The following ARHGAP10 variants were observed in gnomAD, a reference collection of about 807,000 sequenced individuals.
ARHGAP10 encodes the protein rho GTPase-activating protein 10.
In ARHGAP10, 87 loss-of-function variants were observed where a neutral mutation model predicts 108.6. The observed-to-expected ratio is 0.80, with a 90% confidence interval of 0.67 to 0.96. The LOEUF (loss-of-function observed/expected upper bound fraction) is 0.96, where lower values mean the gene tolerates loss of function less well. Among genes scored for constraint, ARHGAP10 ranks in the 40% least tolerant of loss-of-function variants. The probability of loss-of-function intolerance (pLI) is 0.00; values close to 1 mark genes in which losing one functional copy is unlikely to be tolerated. For synonymous variants in ARHGAP10, 347 were observed against 341.1 expected (o/e 1.02, Z -0.19); for missense variants, 939 against 954.5 (o/e 0.98, Z 0.21).
chr4:147,938,194 C>T (rs1053499062), intron 13 of ARHGAP10, among the ~76,000 whole-genome samples: 11 of 151,964 alleles, frequency 7.2e-5, no homozygotes, highest in African/African-American at 1.9e-4. Flanking sequence ...GAGAACAACA[C>T]ATACTGAGGC....
chr4:147,842,488 C>T (rs1481208614), intron 3 of ARHGAP10, among the ~76,000 whole-genome samples: 1 of 152,132 alleles, frequency 6.6e-6, no homozygotes, highest in Non-Finnish European at 1.5e-5. Context: ...TTTCCTGGGT[C>T]CCATTCTGAT....
At chr4:147,931,955 A>G (rs1439017599) in intron 13 of ARHGAP10, among the ~76,000 whole-genome samples, 1 of 152,202 alleles carries the variant, frequency 6.6e-6, no homozygotes, top group African/African-American at 2.4e-5. Context: ...TCCAGAATCT[A>G]TAAGGAACTT....
At chr4:147,829,473 G>A (rs1309937858) in intron 3 of ARHGAP10, among the ~76,000 whole-genome samples, 1 of 152,168 alleles carries the variant, frequency 6.6e-6, no homozygotes, top group African/African-American at 2.4e-5. Context: ...ACAGATGTGA[G>A]CCACCGCGCC....
chr4:147,890,452 C>T (rs1236317905), intron 10 of ARHGAP10, among the ~76,000 whole-genome samples: 2 of 152,086 alleles, frequency 1.3e-5, no homozygotes, highest in Admixed American at 1.3e-4. Flanking sequence ...ATATAAAGAA[C>T]CATTGTAACT....
Position 148,004,819 on chromosome 4 carries a change from G to T in ARHGAP10, c.1717-18444G>T, listed in dbSNP as rs1740880585. 3.3e-5 allele frequency among the ~76,000 whole-genome samples: 5 copies of T among 152,346 alleles called. 1 individual carries two copies. In the South Asian group the frequency reaches 1.0e-3, roughly 32 times the overall value. ...GAGGACCTCCAGAGCAGAAGACACA[G>T]TTTAGCTGTGCTTAGCCTCTGGACC... On this transcript the variant is annotated intron_variant, in intron 18 of 22. Coordinates refer to ENST00000336498, the MANE Select transcript of ARHGAP10 (RefSeq NM_024605.4).
intron 1 of ARHGAP10, among the ~76,000 whole-genome samples, chr4:147,739,658 A>G (rs936327584): frequency 6.6e-6 from 1 of 152,158 alleles, no homozygotes; most frequent in East Asian, 1.9e-4. Flanking sequence ...GGAATACTCA[A>G]AAGTGCTCTG....
At chr4:147,732,722 G>C (rs954790205) in intron 1 of ARHGAP10, among the ~76,000 whole-genome samples, 3 of 152,118 alleles carry the variant, frequency 2.0e-5, no homozygotes, top group African/African-American at 7.2e-5. Context: ...GGCCCCGCCT[G>C]GCCCCGGCCG....
rs770455570 is a variant in ARHGAP10 at position 148,064,402 on chromosome 4, CTCTT to C, written c.2181-8_2181-5del. 3 of 1,611,640 alleles carry C rather than the reference CTCTT, an allele frequency of 1.9e-6. No individual in the cohort carries two copies. The highest frequency in any genetic ancestry group is 2.2e-5 in the East Asian group (1 of 44,818). Reference sequence around the variant, plus strand: ...CATTTTCATTGGTGTCTTTTGTATTCTCTTTCTTTTCAGCATCCGCAGTCGGAAG... The same window carrying C: ...CATTTTCATTGGTGTCTTTTGTATTCTCTTTTCAGCATCCGCAGTCGGAAG... On this transcript the variant is annotated splice_polypyrimidine_tract_variant and intron_variant, in intron 21 of 22. Transcript: ENST00000336498.
intron 3 of ARHGAP10, among the ~76,000 whole-genome samples, chr4:147,827,274 A>G (rs984495330): frequency 5.3e-5 from 8 of 151,942 alleles, no homozygotes; most frequent in African/African-American, 1.2e-4. Context: ...ATTGCAGAAC[A>G]CTCGCCTGAA....
intron 19 of ARHGAP10, among the ~76,000 whole-genome samples, chr4:148,045,254 A>G (rs1019490491): frequency 2.6e-5 from 4 of 151,998 alleles, no homozygotes; most frequent in Non-Finnish European, 5.9e-5. Context: ...CACCATCTCT[A>G]ACTCCTGCTT....
chr4:147,784,328 A>C (rs1158821872), intron 1 of ARHGAP10, among the ~76,000 whole-genome samples: 1 of 135,630 alleles, frequency 7.4e-6, no homozygotes, highest in Non-Finnish European at 1.5e-5. Flanking sequence ...TACATAATTT[A>C]CATAACATTA....
intron 18 of ARHGAP10, among the ~76,000 whole-genome samples, chr4:148,006,058 A>G (rs1263585639): frequency 1.3e-5 from 2 of 152,238 alleles, no homozygotes; most frequent in African/African-American, 4.8e-5. Flanking sequence ...TGTTTTGATC[A>G]TTATACTATG....
At chr4:147,973,801 A>G (rs1412011497) in intron 18 of ARHGAP10, among the ~76,000 whole-genome samples, 2 of 152,136 alleles carry the variant, frequency 1.3e-5, no homozygotes, top group Admixed American at 6.6e-5. Flanking sequence ...TTGTCTTTCT[A>G]TGCCTGACTT....
chr4:148,026,930 A>C (rs1314489254), intron 19 of ARHGAP10, among the ~76,000 whole-genome samples: 1 of 152,148 alleles, frequency 6.6e-6, no homozygotes, highest in Non-Finnish European at 1.5e-5. Context: ...TGTTAAATAT[A>C]TGTTATGTGT....
intron 18 of ARHGAP10, among the ~76,000 whole-genome samples, chr4:147,980,536 A>T (rs927569447): frequency 6.6e-6 from 1 of 152,092 alleles, no homozygotes; most frequent in African/African-American, 2.4e-5. Context: ...TAGTGTTAGG[A>T]TGATACTGGT....
At chr4:147,930,927 C>T (rs1203853559) in intron 13 of ARHGAP10, among the ~76,000 whole-genome samples, 2 of 152,158 alleles carry the variant, frequency 1.3e-5, no homozygotes, top group Non-Finnish European at 2.9e-5. Flanking sequence ...TGTGTTGCTT[C>T]TCCAGCCCAC....
At chr4:147,780,249 G>C (rs1364402059) in intron 1 of ARHGAP10, among the ~76,000 whole-genome samples, 2 of 152,228 alleles carry the variant, frequency 1.3e-5, no homozygotes, top group Admixed American at 1.3e-4. Flanking sequence ...GAGCAGAGCT[G>C]GTCCCGTGTC....
chr4:147,870,111 A>G (rs959031693), intron 7 of ARHGAP10, among the ~76,000 whole-genome samples: 4 of 151,320 alleles, frequency 2.6e-5, no homozygotes, highest in Admixed American at 6.6e-5. Flanking sequence ...CAGCGGCCCA[A>G]TCAATCTCGG....
At chr4:147,949,057 T>G (rs1035494601) in intron 15 of ARHGAP10, among the ~76,000 whole-genome samples, 2 of 152,166 alleles carry the variant, frequency 1.3e-5, no homozygotes, top group African/African-American at 2.4e-5. Context: ...TAGCCTGGGT[T>G]GTCTGGTTGT....
Sources: gnomAD v4.1 joint callset for allele counts (sites outside exome capture counted in the v4.1 genomes callset) on GRCh38, gnomAD v4.1.1 for gene constraint, MANE v1.5 for transcripts, NCBI Gene and HGNC (gene_info 2026-07-23, HGNC 2026-07-21) for gene names.